Variants in GRID2 observed in about 807,000 individuals in gnomAD.
GRID2 encodes the protein glutamate receptor ionotropic, delta-2.
Under a neutral mutation model 114.8 loss-of-function variants are expected in GRID2, and 33 were observed. That is an observed-to-expected ratio of 0.29 (90% CI 0.22 to 0.38). The LOEUF is 0.38. Among genes scored for constraint, GRID2 ranks in the 10% least tolerant of loss-of-function variants. GRID2 has a pLI of 1.00. For synonymous variants in GRID2, 505 were observed against 449.9 expected, an observed-to-expected ratio of 1.12 and a Z score of -1.55; for missense variants, 1,184 against 1,257.7, an observed-to-expected ratio of 0.94 and a Z score of 0.89.
rs529242326 is a variant in GRID2, at chr4:92,311,179, G to A, written c.88+6435G>A. ...AGTCTTATGTATCAACTATCATTGT[G>A]TATGTACACTTGCCTTTAGAATTTG... On this transcript the variant is annotated intron_variant, in intron 1 of 15. Transcript: ENST00000282020. 2.4e-4 allele frequency among the ~76,000 whole-genome samples: 36 copies of A among 152,166 alleles called. No homozygotes were observed. In the South Asian group the frequency reaches 7.0e-3, roughly 30 times the overall value.
At chr4:93,202,534 A>C (rs1166928826) in intron 4 of GRID2, among the ~76,000 whole-genome samples, 2 of 152,198 alleles carry the variant, frequency 1.3e-5, no homozygotes, top group Admixed American at 6.5e-5. Flanking sequence ...GTAAATATAA[A>C]GGCTTTAAAA....
intron 2 of GRID2, among the ~76,000 whole-genome samples, chr4:93,055,198 G>T (rs189691142): frequency 2.3e-4 from 35 of 151,804 alleles, no homozygotes; most frequent in Admixed American, 6.6e-4. Flanking sequence ...GCAAAGTAAA[G>T]TGTAGGTTTT....
At chr4:93,257,077 AC>A (rs1260072536) in intron 8 of GRID2, among the ~76,000 whole-genome samples, 2 of 151,924 alleles carry the variant, frequency 1.3e-5, no homozygotes, top group Admixed American at 1.3e-4. Context: ...TAACAACTTA[AC>A]GTTTAAGTCA....
chr4:92,484,392 T>TA (rs1197702585), intron 1 of GRID2, among the ~76,000 whole-genome samples: 1 of 152,116 alleles, frequency 6.6e-6, no homozygotes, highest in African/African-American at 2.4e-5. Context: ...GCCCCAGCAG[T>TA]AATATACTTT....
At chr4:93,516,034 G>T (rs118061182) in intron 13 of GRID2, among the ~76,000 whole-genome samples, 2 of 152,060 alleles carry the variant, frequency 1.3e-5, no homozygotes, top group African/African-American at 4.8e-5. Flanking sequence ...CATATATACG[G>T]AAGCAATTCA....
chr4:93,577,666 C>T (rs1736553217), intron 13 of GRID2, among the ~76,000 whole-genome samples: 1 of 152,156 alleles, frequency 6.6e-6, no homozygotes, highest in African/African-American at 2.4e-5. Flanking sequence ...TAAAACTAGT[C>T]CTTGCCTTCA....
intron 2 of GRID2, among the ~76,000 whole-genome samples, chr4:92,876,518 A>G (rs1745643509): frequency 6.6e-6 from 1 of 152,032 alleles, no homozygotes; most frequent in South Asian, 2.1e-4. Flanking sequence ...GTTAACCAGG[A>G]TGATCTAGAT....
chr4:92,951,658 C>T (rs1752051035), intron 2 of GRID2, among the ~76,000 whole-genome samples: 1 of 152,066 alleles, frequency 6.6e-6, no homozygotes, highest in Non-Finnish European at 1.5e-5. Flanking sequence ...GTAATACCAC[C>T]ATAAGTTCAA....
At chr4:92,763,022 G>T (rs1281735873) in intron 2 of GRID2, among the ~76,000 whole-genome samples, 1 of 152,158 alleles carries the variant, frequency 6.6e-6, no homozygotes, top group African/African-American at 2.4e-5. Flanking sequence ...ATTGGGAAGT[G>T]GTTAAGTAGC....
At chr4:92,427,527 A>C (rs1349684567) in intron 1 of GRID2, among the ~76,000 whole-genome samples, 1 of 152,206 alleles carries the variant, frequency 6.6e-6, no homozygotes, top group Non-Finnish European at 1.5e-5. Flanking sequence ...AAGCTAGTAC[A>C]ATGAATGGTC....
chr4:93,633,773 A>C (rs1181423080), intron 14 of GRID2, among the ~76,000 whole-genome samples: 1 of 152,154 alleles, frequency 6.6e-6, no homozygotes, highest in Non-Finnish European at 1.5e-5. Flanking sequence ...CTGCTGTAAT[A>C]ATTTTTATGC....
At chr4:93,594,409 A>T (rs1256201972) in intron 13 of GRID2, among the ~76,000 whole-genome samples, 1 of 152,140 alleles carries the variant, frequency 6.6e-6, no homozygotes. Flanking sequence ...CAGTCCGCCC[A>T]TTCTCAGATC....
intron 2 of GRID2, among the ~76,000 whole-genome samples, chr4:92,830,651 A>C (rs1742041139): frequency 6.6e-6 from 1 of 152,210 alleles, no homozygotes. Flanking sequence ...ACAGACTGCT[A>C]TGGGCAGATG....
At chr4:92,357,332 TA>T (rs1728376710) in intron 1 of GRID2, among the ~76,000 whole-genome samples, 1 of 151,912 alleles carries the variant, frequency 6.6e-6, no homozygotes. Flanking sequence ...AGAGTTTAAG[TA>T]TACTAATAGC....
intron 1 of GRID2, among the ~76,000 whole-genome samples, chr4:92,490,334 T>C (rs79832232): frequency 0.011 from 1,680 of 152,302 alleles, 28 homozygotes; most frequent in African/African-American, 0.039. Context: ...GGTATCTTTA[T>C]TGATTTGTAA....
rs552482341 is a variant in GRID2, at chr4:93,379,108, C to T, written c.1246-16499C>T. Reference sequence around the variant, plus strand: ...TTCATATAGAGGATATGATTTGCCACTAAGCAAACTCTATGAAAAAGAATT... The same window carrying T: ...TTCATATAGAGGATATGATTTGCCATTAAGCAAACTCTATGAAAAAGAATT... On this transcript the variant is annotated intron_variant, in intron 8 of 15. Transcript: ENST00000282020. Among the ~76,000 whole-genome samples, 3 of 152,114 alleles carry T rather than the reference C, an allele frequency of 2.0e-5. No homozygotes were observed. In the East Asian group the frequency reaches 5.8e-4, roughly 29 times the overall value.
intron 1 of GRID2, among the ~76,000 whole-genome samples, chr4:92,319,216 G>C (rs1185441699): frequency 6.6e-6 from 1 of 151,784 alleles, no homozygotes; most frequent in African/African-American, 2.4e-5. Context: ...GTTATTCTTG[G>C]TTTGATTAAT....
intron 2 of GRID2, among the ~76,000 whole-genome samples, chr4:92,924,795 C>T (rs747122340): frequency 6.6e-6 from 1 of 152,096 alleles, no homozygotes; most frequent in Non-Finnish European, 1.5e-5. Flanking sequence ...GATTAAAATA[C>T]TTCAAATGAT....
chr4:93,745,971 T>C lies in GRID2; in HGVS notation c.2361-23239T>C, dbSNP rs559926217. On this transcript the variant is annotated intron_variant, in intron 14 of 15. Transcript: ENST00000282020. ...GTTAGGTAGCAGGGGCTTGATTGTCTGATTCTGTGAGCTCTAAAAGAAACC... is the reference window on the plus strand; with the variant it reads ...GTTAGGTAGCAGGGGCTTGATTGTCCGATTCTGTGAGCTCTAAAAGAAACC... Among the ~76,000 whole-genome samples, 3 of 152,290 alleles carry C rather than the reference T, an allele frequency of 2.0e-5. No individual in the cohort carries two copies. In the South Asian group the frequency reaches 6.2e-4, roughly 32 times the overall value.
Sources: gnomAD v4.1 joint callset for allele counts (sites outside exome capture counted in the v4.1 genomes callset) on GRCh38, gnomAD v4.1.1 for gene constraint, MANE v1.5 for transcripts, NCBI Gene and HGNC (gene_info 2026-07-23, HGNC 2026-07-21) for gene names.